TMEFF2: variants seen among roughly 807,000 people sequenced by gnomAD.
TMEFF2 encodes the protein tomoregulin-2.
A neutral mutation model predicts 53.8 loss-of-function variants in TMEFF2; 28 were observed. The observed-to-expected ratio is 0.52, with a 90% confidence interval of 0.39 to 0.71. The LOEUF is 0.71. TMEFF2 is among the 30% of genes least tolerant of loss of function. TMEFF2 has a pLI of 0.00. For synonymous variants in TMEFF2, 162 were observed against 166.3 expected (o/e 0.97, Z 0.20); for missense variants, 353 against 455.2 (o/e 0.78, Z 2.04).
rs368426543 is a variant in TMEFF2 at position 191,950,968 on chromosome 2, A to T, written c.1029-561T>A. Reference sequence around the variant, plus strand: ...GTTATTTAGCATCTATAAAAATCTAATATTCAGTCAAATTATCTGAAAATG... The same window carrying T: ...GTTATTTAGCATCTATAAAAATCTATTATTCAGTCAAATTATCTGAAAATG... On this transcript the variant is annotated intron_variant, in intron 9 of 9. Coordinates refer to ENST00000272771, the MANE Select transcript of TMEFF2 (RefSeq NM_016192.4). 7.2e-5 allele frequency among the ~76,000 whole-genome samples: 11 copies of T among 152,322 alleles called. No homozygotes were observed. The East Asian group carries it at 2.1e-3, about 29-fold the overall frequency.
chr2:192,060,450 T>C (rs751897508), intron 4 of TMEFF2, among the ~76,000 whole-genome samples: 11 of 152,224 alleles, frequency 7.2e-5, no homozygotes, highest in Non-Finnish European at 1.5e-4. Flanking sequence ...TAATGCATCA[T>C]GACTTGCATT....
intron 7 of TMEFF2, among the ~76,000 whole-genome samples, chr2:191,990,416 A>AGTGTGTGTGTGTGTGTGTGTGTGTGTGT (rs55848067): frequency 1.4e-5 from 2 of 147,246 alleles, no homozygotes; most frequent in Admixed American, 1.4e-4. Context: ...TGCTCAGAAT[A>AGTGTGTGTGTGTGTGTGTGTGTGTGTGT]GTGTGTGTGT....
rs552389606 is a variant in TMEFF2, at chr2:191,951,638, G to A, written c.1029-1231C>T. Among the ~76,000 whole-genome samples the A allele has an allele frequency of 1.4e-4, 21 of 152,182 alleles. No homozygotes were observed. In the South Asian group the frequency reaches 3.9e-3, roughly 29 times the overall value. ...TCATCAGGAAAGTAGGGTTTCTGGG[G>A]TTTGGAGACAGACAGCCTAGTTGGA... is the stretch of plus-strand genomic sequence containing the variant. On this transcript the variant is annotated intron_variant, in intron 9 of 9. Transcript: ENST00000272771.
intron 4 of TMEFF2, among the ~76,000 whole-genome samples, chr2:192,093,687 A>G (rs1688841850): frequency 6.6e-6 from 1 of 152,134 alleles, no homozygotes; most frequent in Non-Finnish European, 1.5e-5. Flanking sequence ...GATAATGAGT[A>G]GACCCCGGCC....
chr2:192,020,871 G>A (rs540948260), intron 5 of TMEFF2, among the ~76,000 whole-genome samples: 10 of 152,070 alleles, frequency 6.6e-5, no homozygotes, highest in Non-Finnish European at 1.3e-4. Context: ...AACCATCTCT[G>A]TGTCTGTGCT....
At chr2:192,078,819 A>G (rs1198549166) in intron 4 of TMEFF2, among the ~76,000 whole-genome samples, 1 of 152,212 alleles carries the variant, frequency 6.6e-6, no homozygotes, top group Admixed American at 6.5e-5. Flanking sequence ...TTAAGAGCAC[A>G]CATGACACTC....
intron 4 of TMEFF2, among the ~76,000 whole-genome samples, chr2:192,135,908 A>AC (rs1360465966): frequency 2.0e-5 from 3 of 150,674 alleles, no homozygotes; most frequent in Middle Eastern, 3.2e-3. Flanking sequence ...GCACCTTGTG[A>AC]CCCCCGCCCC....
intron 2 of TMEFF2, among the ~76,000 whole-genome samples, chr2:192,189,055 T>G (rs1691394130): frequency 1.3e-5 from 2 of 152,072 alleles, no homozygotes; most frequent in Non-Finnish European, 2.9e-5. Flanking sequence ...AGAAAACAAT[T>G]ATCTCACCGG....
intron 5 of TMEFF2, among the ~76,000 whole-genome samples, chr2:192,032,949 G>T (rs1474867745): frequency 6.6e-6 from 1 of 152,110 alleles, no homozygotes; most frequent in African/African-American, 2.4e-5. Context: ...GGATGGTATG[G>T]TTTTTCTTGG....
At chr2:192,160,212 A>G (rs1213726622) in intron 4 of TMEFF2, among the ~76,000 whole-genome samples, 2 of 152,172 alleles carry the variant, frequency 1.3e-5, no homozygotes, top group African/African-American at 4.8e-5. Flanking sequence ...AGAATTTGGT[A>G]TCAAAGTCAA....
intron 4 of TMEFF2, among the ~76,000 whole-genome samples, chr2:192,101,721 A>C (rs1181012935): frequency 6.6e-6 from 1 of 152,204 alleles, no homozygotes; most frequent in Non-Finnish European, 1.5e-5. Flanking sequence ...CCCAGGCAGC[A>C]TCTCATGCTA....
chr2:192,169,720 A>G (rs1345748509), intron 4 of TMEFF2, among the ~76,000 whole-genome samples: 1 of 152,200 alleles, frequency 6.6e-6, no homozygotes, highest in East Asian at 1.9e-4. Context: ...GAGGGTCTGA[A>G]GATATAGATC....
rs146981695 is a variant in TMEFF2, at chr2:192,111,948, T to C, written c.440-54173A>G. On this transcript the variant is annotated intron_variant, in intron 4 of 9. Transcript: ENST00000272771. ...CCTGTGGGTGCACAGAAGTCAAGAA[T>C]TGAGGTTTGAGAACCTCAACTTAGA... Among the ~76,000 whole-genome samples, 461 of 152,326 alleles carry C rather than the reference T, an allele frequency of 3.0e-3. 2 individuals are homozygous for C. Among genetic ancestry groups the C allele is most frequent in the African/African-American group, 9.8e-3 (407 of 41,588 alleles).
At chr2:192,163,028 G>T (rs924184061) in intron 4 of TMEFF2, among the ~76,000 whole-genome samples, 1 of 152,178 alleles carries the variant, frequency 6.6e-6, no homozygotes, top group South Asian at 2.1e-4. Flanking sequence ...GCAGGCTTTA[G>T]AGAAATAAGC....
At chr2:192,046,177 T>C (rs1247581078) in intron 5 of TMEFF2, among the ~76,000 whole-genome samples, 3 of 151,898 alleles carry the variant, frequency 2.0e-5, no homozygotes, top group Non-Finnish European at 1.5e-5. Flanking sequence ...CCAACCTGAC[T>C]AATATGGTGA....
intron 7 of TMEFF2, among the ~76,000 whole-genome samples, chr2:191,996,145 G>T (rs1043587024): frequency 1.3e-5 from 2 of 151,822 alleles, no homozygotes; most frequent in Non-Finnish European, 2.9e-5. Flanking sequence ...CTTTGAAATG[G>T]GCAAAATGTT....
chr2:192,098,274 C>T (rs970220741), intron 4 of TMEFF2, among the ~76,000 whole-genome samples: 1 of 152,120 alleles, frequency 6.6e-6, no homozygotes, highest in Admixed American at 6.5e-5. Flanking sequence ...AAACCTTGAC[C>T]TCCCTGTTTG....
At chr2:192,054,272 A>G (rs893276621) in intron 5 of TMEFF2, among the ~76,000 whole-genome samples, 4 of 151,910 alleles carry the variant, frequency 2.6e-5, no homozygotes, top group African/African-American at 4.8e-5. Context: ...GATGTAGGCT[A>G]TGCTTCTCCC....
chr2:191,964,304 CTTCTTTCT>C lies in TMEFF2; in HGVS notation c.746-7934_746-7927del, dbSNP rs1380798747. Among the ~76,000 whole-genome samples, 5 of 123,334 alleles carry C rather than the reference CTTCTTTCT, an allele frequency of 4.1e-5. No individual in the cohort carries two copies. In the Admixed American group the frequency reaches 4.6e-4, roughly 11 times the overall value. 80.9% of individuals were successfully genotyped at this position (123,334 alleles called of 152,430 possible). On this transcript the variant is annotated intron_variant, in intron 7 of 9. Transcript: ENST00000272771. ...TTCCTTTTCCTTCTTTCCTTCTTTC[CTTCTTTCT>C]TTCCTTCCTTCCTTTCTTTCCTTCT...
Sources: allele counts gnomAD v4.1 joint callset (sites outside exome capture counted in the v4.1 genomes callset), GRCh38; gene constraint gnomAD v4.1.1; transcripts MANE v1.5; gene names NCBI Gene and HGNC (gene_info 2026-07-23, HGNC 2026-07-21).